SDCBP: variants seen among roughly 807,000 people sequenced by gnomAD.
The protein encoded by SDCBP is syndecan binding protein, also known as syntenin-1.
In SDCBP, 22 loss-of-function variants were observed where a neutral mutation model predicts 30.5. That is an observed-to-expected ratio of 0.72 (90% CI 0.52 to 1.03). The LOEUF (loss-of-function observed/expected upper bound fraction) is 1.03, where lower values mean the gene tolerates loss of function less well. Ranked by LOEUF, SDCBP falls within the 50% of genes least tolerant of loss-of-function variation. The probability of loss-of-function intolerance (pLI) is 0.00; values close to 1 mark genes in which losing one functional copy is unlikely to be tolerated. For synonymous variants in SDCBP, 103 were observed against 118.7 expected, an observed-to-expected ratio of 0.87 and a Z score of 0.86; for missense variants, 304 against 369.9, an observed-to-expected ratio of 0.82 and a Z score of 1.46.
In SDCBP at chr8:58,579,809, TTG is replaced by T. The variant is rs745808872; in HGVS notation, c.750+18_750+19del. 5.1e-6 allele frequency: 8 copies of T among 1,566,750 alleles called. No homozygotes were observed. In the African/African-American group the frequency reaches 1.1e-4, roughly 22 times the overall value. On this transcript the variant is annotated intron_variant, in intron 7 of 8. Transcript: ENST00000260130. The stretch of plus-strand genomic sequence containing the variant: ...TTGGATTGAAGGTAAGGAACAGACT[TTG>T]TGCCATGTTCTGCTGCAGTTTTAGA...
chr8:58,562,654 T>C (rs1804500267), intron 1 of SDCBP, among the ~76,000 whole-genome samples: 1 of 152,172 alleles, frequency 6.6e-6, no homozygotes, highest in Non-Finnish European at 1.5e-5. Context: ...TATGGATCTA[T>C]ACCACACACC....
chr8:58,570,910 C>T lies in SDCBP; in HGVS notation c.75C>T (p.Asn25=). 1 of 1,613,174 alleles carries T rather than the reference C, an allele frequency of 6.2e-7. No homozygotes were observed. The highest frequency in any genetic ancestry group is 2.2e-5 in the East Asian group (1 of 44,808). Residue 25 remains asparagine (N), a synonymous_variant, in exon 3 of 9, where the codon AAC becomes AAT. Coordinates refer to ENST00000260130, the MANE Select transcript of SDCBP (RefSeq NM_005625.4). ...AGGCTCAAACTGCTTTTTCTGCAAACCCTGCCAATCCAGCAATTTTGTCAG... is the reference window on the plus strand; with the variant it reads ...AGGCTCAAACTGCTTTTTCTGCAAATCCTGCCAATCCAGCAATTTTGTCAG... The part of the protein sequence containing the change: ...VIQAQTAFSA[N]PANPAILSEA...
In SDCBP at chr8:58,565,025, C is replaced by A. The variant is rs779534908; in HGVS notation, c.-9C>A. On this transcript the variant is annotated 5_prime_UTR_variant, in exon 2 of 9. Coordinates refer to ENST00000260130, the MANE Select transcript of SDCBP (RefSeq NM_005625.4). ...ACTTTCTTTTTTTCTTTAGAAGAATCCTGCAAAAATGTCTCTCTATCCATC... is the reference window on the plus strand; with the variant it reads ...ACTTTCTTTTTTTCTTTAGAAGAATACTGCAAAAATGTCTCTCTATCCATC... The A allele has an allele frequency of 7.9e-5, 125 of 1,578,006 alleles. No homozygotes were observed. The highest frequency in any genetic ancestry group is 1.1e-4 in the Non-Finnish European group (124 of 1,155,552).
intron 2 of SDCBP, chr8:58,570,563 G>A (rs183698190): frequency 5.1e-4 from 95 of 185,256 alleles, no homozygotes; most frequent in African/African-American, 2.0e-3. Context: ...TAATGAAAAT[G>A]TAAAATTTAT....
Position 58,578,899 on chromosome 8 carries a change from AGCAGAGTTTCAAAGAGTAAGTTGTAC to A in SDCBP, c.578+692_579-698del, listed in dbSNP as rs1280565883. On this transcript the variant is annotated intron_variant, in intron 6 of 8. Coordinates refer to ENST00000260130, the MANE Select transcript of SDCBP (RefSeq NM_005625.4). The stretch of plus-strand genomic sequence containing the variant: ...GAATGTCCTTTTTACTTTCTATCTA[AGCAGAGTTTCAAAGAGTAAGTTGTAC>A]TAACAGGAAGAAATGCCTCTTCTGA... 2.6e-5 allele frequency among the ~76,000 whole-genome samples: 4 copies of A among 152,274 alleles called. No individual in the cohort carries two copies. In the East Asian group the frequency reaches 5.8e-4, roughly 22 times the overall value.
intron 1 of SDCBP, chr8:58,561,865 A>G (rs1804458789): frequency 3.2e-6 from 2 of 632,010 alleles, no homozygotes; most frequent in South Asian, 1.8e-5. Context: ...CTATAAAAAT[A>G]TTAATAGATG....
chr8:58,574,631 G>A (rs1387628813), intron 4 of SDCBP, among the ~76,000 whole-genome samples: 1 of 152,032 alleles, frequency 6.6e-6, no homozygotes, highest in Non-Finnish European at 1.5e-5. Context: ...TTCATATCTA[G>A]TGAATTTTTC....
intron 3 of SDCBP, among the ~76,000 whole-genome samples, 200 bp from the exon 4 acceptor site, chr8:58,572,005 C>T (rs1020168574): frequency 1.2e-4 from 18 of 152,260 alleles, no homozygotes; most frequent in Middle Eastern, 6.8e-3. Flanking sequence ...TCATATTTTA[C>T]GAATTTTAAA....
chr8:58,574,981 T>C (rs1453529776), intron 4 of SDCBP, among the ~76,000 whole-genome samples: 1 of 152,194 alleles, frequency 6.6e-6, no homozygotes, highest in Non-Finnish European at 1.5e-5. Context: ...ATATGATAAC[T>C]GAGAAAGTTT....
chr8:58,581,822 C>T lies in SDCBP; in HGVS notation c.*82C>T. The stretch of plus-strand genomic sequence containing the variant: ...TTCTGTATTATGCACGTGAAGCCTT[C>T]CCGGAGCCAGCGAGCATATGCTGCA... On this transcript the variant is annotated 3_prime_UTR_variant, in exon 9 of 9. Coordinates refer to ENST00000260130, the MANE Select transcript of SDCBP (RefSeq NM_005625.4). 1 of 1,156,058 alleles carries T rather than the reference C, an allele frequency of 8.7e-7. No homozygotes were observed. Among genetic ancestry groups the T allele is most frequent in the Non-Finnish European group, 1.3e-6 (1 of 766,636 alleles). The allele number at this position is 1,156,058 out of a possible 1,614,324, so 71.6% of individuals were successfully genotyped here.
chr8:58,576,999 GCT>G (rs1403837747), intron 5 of SDCBP, among the ~76,000 whole-genome samples: 1 of 152,230 alleles, frequency 6.6e-6, no homozygotes, highest in East Asian at 1.9e-4. Flanking sequence ...TAGTTGGGAT[GCT>G]CTGACTTTGC....
At chr8:58,558,160 C>T (rs1299098020) in intron 1 of SDCBP, among the ~76,000 whole-genome samples, 1 of 152,178 alleles carries the variant, frequency 6.6e-6, no homozygotes. Flanking sequence ...CTGTTAGGTT[C>T]AAAAGTACGG....
In SDCBP at chr8:58,581,983, A is replaced by AGAATAGTTTCTT. The variant is rs1805715077; in HGVS notation, c.*254_*255insTGAATAGTTTCT. The AGAATAGTTTCTT allele has an allele frequency of 2.0e-6, 1 of 488,470 alleles. No homozygotes were observed. Among genetic ancestry groups the AGAATAGTTTCTT allele is most frequent in the Non-Finnish European group, 3.7e-6 (1 of 271,082 alleles). The allele number at this position is 488,470 out of a possible 1,614,324, so 30.3% of individuals were successfully genotyped here. A position where few individuals can be genotyped will look rare whatever the true frequency, so the allele number is the denominator to read the frequency against. ...TTTCAAGAGATTTACTGACTTTCCT[A>AGAATAGTTTCTT]GAATAGTTTCTCTACTGGAAACCTG... On this transcript the variant is annotated 3_prime_UTR_variant, in exon 9 of 9. Coordinates refer to ENST00000260130, the MANE Select transcript of SDCBP (RefSeq NM_005625.4).
At chr8:58,568,513 G>A (rs1234039758) in intron 2 of SDCBP, among the ~76,000 whole-genome samples, 1 of 152,060 alleles carries the variant, frequency 6.6e-6, no homozygotes, top group African/African-American at 2.4e-5. Context: ...GTATAACACA[G>A]GAAATACATA....
intron 1 of SDCBP, among the ~76,000 whole-genome samples, chr8:58,555,293 C>T (rs1036055312): frequency 6.6e-6 from 1 of 152,112 alleles, no homozygotes; most frequent in African/African-American, 2.4e-5. Flanking sequence ...TTTAGAATTT[C>T]GGTAAGATAA....
chr8:58,560,915 G>C (rs542780099), intron 1 of SDCBP: 45 of 152,272 alleles, frequency 3.0e-4, no homozygotes, highest in African/African-American at 1.1e-3. Flanking sequence ...CTACTTTAAG[G>C]AAACACAGAT....
intron 6 of SDCBP, among the ~76,000 whole-genome samples, chr8:58,578,755 A>C (rs568848880): frequency 6.6e-6 from 1 of 152,354 alleles, no homozygotes; most frequent in Non-Finnish European, 1.5e-5. Context: ...TTAAGGGTAG[A>C]CGTATATTGC....
rs147693472 is a variant in SDCBP, at chr8:58,579,905, C to T, written c.750+111C>T. ...ATTGACTTAGGTGGGAGATGGGGAA[C>T]GTGGGGCCTGAACTCTTGGTCTGGC... is the stretch of plus-strand genomic sequence containing the variant. On this transcript the variant is annotated intron_variant, in intron 7 of 8. Coordinates refer to ENST00000260130, the MANE Select transcript of SDCBP (RefSeq NM_005625.4). 1,456 of 1,007,240 alleles carry T rather than the reference C, an allele frequency of 1.4e-3. 15 individuals are homozygous for T. The African/African-American group carries it at 0.021, about 14-fold the overall frequency. 62.4% of individuals were successfully genotyped at this position (1,007,240 alleles called of 1,614,324 possible).
intron 5 of SDCBP, among the ~76,000 whole-genome samples, chr8:58,577,312 T>C (rs1805393268): frequency 6.6e-6 from 1 of 152,198 alleles, no homozygotes; most frequent in Admixed American, 6.5e-5. Flanking sequence ...CTTATTCTTC[T>C]TTTATACTTA....
Sources: allele counts gnomAD v4.1 joint callset (sites outside exome capture counted in the v4.1 genomes callset), GRCh38; gene constraint gnomAD v4.1.1; transcripts MANE v1.5; gene names NCBI Gene and HGNC (gene_info 2026-07-23, HGNC 2026-07-21).